AGRN: variants seen among roughly 807,000 people sequenced by gnomAD.
AGRN encodes the protein agrin.
Under a neutral mutation model 211.0 loss-of-function variants are expected in AGRN, and 106 were observed. The ratio of observed to expected loss-of-function variants is 0.50; its 90% confidence interval spans 0.43 to 0.59. AGRN has a LOEUF of 0.59. Among genes scored for constraint, AGRN ranks in the 20% least tolerant of loss-of-function variants. The pLI is 0.00. For synonymous variants in AGRN, 1,525 were observed against 1,332.5 expected (o/e 1.14, Z -3.15); for missense variants, 3,040 against 2,982.6 (o/e 1.02, Z -0.45).
intron 1 of AGRN, 114 bp downstream of exon 1, chr1:1,020,487 C>T (rs1448231943): frequency 1.5e-5 from 16 of 1,079,604 alleles, no homozygotes; most frequent in Non-Finnish European, 2.0e-5. Flanking sequence ...CTCCGGCTCC[C>T]TTGGCGACCG....
intron 2 of AGRN, among the ~76,000 whole-genome samples, chr1:1,026,931 C>T (rs1011117421): frequency 2.6e-5 from 4 of 152,220 alleles, no homozygotes; most frequent in Admixed American, 6.5e-5. Context: ...CAGTCCTGTG[C>T]GCCCCTCAGG....
At chr1:1,052,818 C>T (rs995228310) in intron 33 of AGRN, 7 of 146,170 alleles carry the variant, frequency 4.8e-5, no homozygotes, top group Admixed American at 6.7e-5. Context: ...GAGGGAGACA[C>T]GCAGGTGTGT....
At position 1,041,949 on chromosome 1, in the gene AGRN, G is replaced by A. The variant is rs200932219; in HGVS notation, c.1178-7G>A. 1.6e-3 allele frequency: 2,644 copies of A among 1,611,352 alleles called. 4 individuals are homozygous for A. Among genetic ancestry groups the A allele is most frequent in the Non-Finnish European group, 2.1e-3 (2,461 of 1,179,456 alleles). Reference sequence around the variant, plus strand: ...CTCTCCGTGACTCCCTCACCCCTGCGTCCTAGACCAGTGCCCGGAGCCCTG... The same window carrying A: ...CTCTCCGTGACTCCCTCACCCCTGCATCCTAGACCAGTGCCCGGAGCCCTG... On this transcript the variant is annotated splice_region_variant and splice_polypyrimidine_tract_variant and intron_variant, in intron 6 of 35. Coordinates refer to ENST00000379370, the MANE Select transcript of AGRN (RefSeq NM_198576.4).
Position 1,046,408 on chromosome 1 carries a change from C to G in AGRN, c.2923C>G (p.Pro975Ala), listed in dbSNP as rs1570223384. The G allele has an allele frequency of 6.2e-7, 1 of 1,612,164 alleles. No individual in the cohort carries two copies. The highest frequency in any genetic ancestry group is 8.5e-7 in the Non-Finnish European group (1 of 1,179,700). Reference protein sequence around the residue: ...SLGPCQEAVAPSTHPTSASVT... With the variant: ...SLGPCQEAVAASTHPTSASVT... ...CCCTCTCCTTGCAGAGGCTGTTGCT[C>G]CCAGCACTCACCCGACATCTGCCTC... Residue 975 changes from proline (P) to alanine (A), a missense_variant, in exon 18 of 36, where the codon CCC (proline) becomes GCC (alanine). Physicochemically the swap from Pro to Ala is conservative, Grantham distance 27. This residue lies in a region of AGRN where 1,498 missense variants were observed against 1,457.8 expected (regional missense o/e 1.03). Coordinates refer to ENST00000379370, the MANE Select transcript of AGRN (RefSeq NM_198576.4).
intron 2 of AGRN, among the ~76,000 whole-genome samples, chr1:1,028,001 C>T (rs1257164581): frequency 6.6e-6 from 1 of 152,200 alleles, no homozygotes; most frequent in East Asian, 1.9e-4. Flanking sequence ...GGCTGTGCCC[C>T]CTTCTCTCCC....
rs770350363 is a variant in AGRN at position 1,032,053 on chromosome 1, A to AGCCT, written c.464-3222_464-3219dup. ...CAGTCAGCACCGCCGGAACACTGTC[A>AGCCT]GCCTGGTGTGGACAGTGCCAAGGTC... On this transcript the variant is annotated intron_variant, in intron 2 of 35. Coordinates refer to ENST00000379370, the MANE Select transcript of AGRN (RefSeq NM_198576.4). This position sits in a 1 kb window ranked among gnomAD's most constrained non-coding sequence, Gnocchi z 4.7. Among the ~76,000 whole-genome samples the AGCCT allele has an allele frequency of 1.3e-5, 2 of 152,220 alleles. No homozygotes were observed. The highest frequency in any genetic ancestry group is 1.5e-5 in the Non-Finnish European group (1 of 68,036).
At chr1:1,035,349 C>T in intron 3 of AGRN, 25 bp downstream of exon 3, 4 of 1,612,770 alleles carry the variant, frequency 2.5e-6, no homozygotes, top group Non-Finnish European at 3.4e-6. Flanking sequence ...GTTCGGGGGA[C>T]CTGGATGGGC....
intron 3 of AGRN, among the ~76,000 whole-genome samples, chr1:1,039,247 G>T (rs1306244351): frequency 1.3e-5 from 2 of 151,982 alleles, no homozygotes; most frequent in African/African-American, 2.4e-5. Context: ...GGGATCTGGT[G>T]GGGGGAGCAT....
At chr1:1,020,483 C>A in intron 1 of AGRN, 110 bp downstream of exon 1, 2 of 1,122,808 alleles carry the variant, frequency 1.8e-6, no homozygotes, top group Non-Finnish European at 2.4e-6. Flanking sequence ...CCCGCTCCGG[C>A]TCCCTTGGCG....
chr1:1,040,424 G>C (rs912120698), intron 3 of AGRN, among the ~76,000 whole-genome samples: 2 of 152,210 alleles, frequency 1.3e-5, no homozygotes, highest in African/African-American at 4.8e-5. Context: ...GGTGCGGGGT[G>C]GGGGAGAAAG....
At position 1,053,813 on chromosome 1, in the gene AGRN, G is replaced by T. The variant is rs1166656166; in HGVS notation, c.5712G>T (p.Gly1904=). The change falls in exon 34 of 36, where the codon GGG becomes GGT. Residue 1904 remains glycine, a synonymous_variant. Transcript: ENST00000379370. ...ELSLRTEATQ[G]LVLWSGKATE... is the part of the protein sequence containing the mutation. ...GCCTGCGCACTGAGGCCACGCAGGGGCTGGTGCTCTGGAGTGGCAAGGCCA... is the reference window on the plus strand; with the variant it reads ...GCCTGCGCACTGAGGCCACGCAGGGTCTGGTGCTCTGGAGTGGCAAGGCCA... 32 of 1,611,162 alleles carry T rather than the reference G, an allele frequency of 2.0e-5. No homozygotes were observed. The highest frequency in any genetic ancestry group is 2.6e-5 in the Non-Finnish European group (31 of 1,179,428).
chr1:1,054,486 C>T lies in AGRN; in HGVS notation c.5915C>T (p.Ala1972Val). Residue 1972 changes from alanine to valine, a missense_variant, in exon 35 of 36, where the codon GCC (alanine) becomes GTC (valine). This residue lies in a region of AGRN where 1,537 missense variants were observed against 1,505.0 expected (regional missense o/e 1.02). Transcript: ENST00000379370. The part of the protein sequence containing the change: ...REGSLQVGNE[A>V]PVTGSSPLGA... Reference sequence around the variant, plus strand: ...GGTTCCCTGCAGGTGGGCAATGAGGCCCCTGTGACCGGCTCCTCCCCGCTG... The same window carrying T: ...GGTTCCCTGCAGGTGGGCAATGAGGTCCCTGTGACCGGCTCCTCCCCGCTG... 6 of 1,601,990 alleles carry T rather than the reference C, an allele frequency of 3.7e-6. No homozygotes were observed. The highest frequency in any genetic ancestry group is 5.1e-6 in the Non-Finnish European group (6 of 1,175,012).
chr1:1,051,207 C>T, intron 30 of AGRN, 46 bp from the exon 31 acceptor site: 1 of 1,557,922 alleles, frequency 6.4e-7, no homozygotes, highest in Non-Finnish European at 8.7e-7. Flanking sequence ...CCTGGGTCTG[C>T]ACCGTGGGTG....
rs1457707326 is a variant in AGRN, at chr1:1,049,041, A to G, written c.4280A>G (p.Asp1427Gly). 1.3e-6 allele frequency: 2 copies of G among 1,542,934 alleles called. No individual in the cohort carries two copies. Among genetic ancestry groups the G allele is most frequent in the Non-Finnish European group, 1.7e-6 (2 of 1,143,676 alleles). Reference protein sequence around the residue: ...GKDFLALALLDGRVQLRFDTG... With the variant: ...GKDFLALALLGGRVQLRFDTG... ...GACTTCCTGGCATTGGCGCTGCTAG[A>G]TGGCCGCGTGCAGCTCAGGTGGGCG... is the stretch of plus-strand genomic sequence containing the variant. Residue 1427 changes from aspartate to glycine, a missense_variant, in exon 24 of 36, where the codon GAT (aspartate) becomes GGT (glycine). Coordinates refer to ENST00000379370, the MANE Select transcript of AGRN (RefSeq NM_198576.4).
In AGRN at chr1:1,046,380, C is replaced by T. The variant is rs1645093821; in HGVS notation, c.2912-17C>T. On this transcript the variant is annotated splice_polypyrimidine_tract_variant and intron_variant, in intron 17 of 35. Transcript: ENST00000379370. ...CTGTCCCAACCGGTCCCCCCGCCAACCTCCCTCTCCTTGCAGAGGCTGTTG... is the reference window on the plus strand; with the variant it reads ...CTGTCCCAACCGGTCCCCCCGCCAATCTCCCTCTCCTTGCAGAGGCTGTTG... 1.2e-6 allele frequency: 2 copies of T among 1,609,258 alleles called. No individual in the cohort carries two copies. The highest frequency in any genetic ancestry group is 1.7e-6 in the Non-Finnish European group (2 of 1,177,752).
rs1285608463 is a variant in AGRN, at chr1:1,043,244, G to GCCCCGT, written c.1395_1400dup (p.Ser466_Pro467dup). On this transcript the variant is annotated inframe_insertion, in exon 8 of 36. Transcript: ENST00000379370. ...AGCCCCTGTGTCCTTCCCAGACCAG[G>GCCCCGT]CCCCGTCCCCATGCCTCGGGGTGCA... 1 of 1,603,492 alleles carries GCCCCGT rather than the reference G, an allele frequency of 6.2e-7. No homozygotes were observed. Among genetic ancestry groups the GCCCCGT allele is most frequent in the Non-Finnish European group, 8.5e-7 (1 of 1,176,490 alleles).
At chr1:1,035,568 G>A (rs1644785033) in intron 3 of AGRN, among the ~76,000 whole-genome samples, 1 of 152,266 alleles carries the variant, frequency 6.6e-6, no homozygotes, top group Non-Finnish European at 1.5e-5. Context: ...AGCCCCCTCA[G>A]CCTCAAAACT....
rs1312470507 is a variant in AGRN at position 1,054,895 on chromosome 1, C to A, written c.6052C>A (p.Arg2018=). 1.3e-6 allele frequency: 2 copies of A among 1,551,764 alleles called. No homozygotes were observed. Among genetic ancestry groups the A allele is most frequent in the East Asian group, 4.8e-5 (2 of 41,246 alleles). Residue 2018 remains arginine (R), a synonymous_variant, in exon 36 of 36, where the codon CGG becomes AGG. Coordinates refer to ENST00000379370, the MANE Select transcript of AGRN (RefSeq NM_198576.4). ...AYGTGFVGCL[R]DVVVGRHPLH... Reference sequence around the variant, plus strand: ...CGGCACAGGCTTTGTGGGCTGCTTGCGGGACGTGGTGGTGGGCCGGCACCC... The same window carrying A: ...CGGCACAGGCTTTGTGGGCTGCTTGAGGGACGTGGTGGTGGGCCGGCACCC...
Position 1,048,335 on chromosome 1 carries a change from GC to G in AGRN, c.4076del (p.Ala1359GlufsTer68). On this transcript the variant is annotated frameshift_variant, in exon 23 of 36. Transcript: ENST00000379370. LOFTEE classifies it high-confidence loss of function. This position sits in a 1 kb window ranked among gnomAD's most constrained non-coding sequence, Gnocchi z 5.9. The stretch of plus-strand genomic sequence containing the variant: ...CGGGGGCTTCACCTGCAGCTGCCCG[GC>G]AGGCAGGGGAGGCGCCGTCTGTGAG... ...LGGGFTCSCPAGRGGAVCEKV... is the reference protein window; with the variant it reads ...LGGGFTCSCPXGRGGAVCEKV... 1 of 1,472,386 alleles carries G rather than the reference GC, an allele frequency of 6.8e-7. No homozygotes were observed. The highest frequency in any genetic ancestry group is 9.0e-7 in the Non-Finnish European group (1 of 1,108,814). The allele number at this position is 1,472,386 out of a possible 1,614,324, so 91.2% of individuals were successfully genotyped here.
Sources: gnomAD v4.1 joint callset for allele counts (sites outside exome capture counted in the v4.1 genomes callset) on GRCh38, gnomAD v4.1.1 for gene constraint, gnomAD v4.1.1 regional missense constraint, Gnocchi (gnomAD v3.1) non-coding constraint, MANE v1.5 for transcripts, NCBI Gene and HGNC (gene_info 2026-07-23, HGNC 2026-07-21) for gene names.